KRT8: variants seen among roughly 807,000 people sequenced by gnomAD.
KRT8 encodes the protein keratin 8, also known as keratin, type II cytoskeletal 8.
KRT8 carries 24 observed loss-of-function variants against 43.0 expected under a neutral mutation model. The ratio of observed to expected loss-of-function variants is 0.56; its 90% CI spans 0.40 to 0.78. The LOEUF (loss-of-function observed/expected upper bound fraction) is 0.78. Ranked by LOEUF, KRT8 falls within the 30% of genes least tolerant of loss-of-function variation. The pLI is 0.00. For synonymous variants in KRT8, 214 were observed against 261.2 expected (o/e 0.82, Z 1.74); for missense variants, 492 against 638.4 (o/e 0.77, Z 2.47).
At chr12:52,899,736 T>C in intron 5 of KRT8, 39 bp downstream of exon 5, 1 of 1,564,654 alleles carries the variant, frequency 6.4e-7, no homozygotes, top group Non-Finnish European at 8.8e-7. Context: ...CACCAGGATG[T>C]GTCCAAGGAA....
At chr12:52,909,450 G>T (rs943944958), upstream of KRT8, among the ~76,000 whole-genome samples, 2 of 152,226 alleles carry the variant, frequency 1.3e-5, no homozygotes, top group African/African-American at 2.4e-5. Context: ...GCAGCATCAT[G>T]AATAATAGAG....
rs143953354 is a variant in KRT8, at chr12:52,931,946, C to T, written c.-47+17510G>A. On this transcript the variant is annotated intron_variant, in intron 2 of 6. Transcript: ENST00000546826. ...CCAAAGTGCTGGGATTACAGGCATG[C>T]GCCACTGCGCTTGGCCATATGTTTA... Among the ~76,000 whole-genome samples the T allele has an allele frequency of 6.8e-3, 1,033 of 151,886 alleles. 4 individuals carry two copies. The highest frequency in any genetic ancestry group is 0.012 in the Non-Finnish European group (828 of 67,934).
At chr12:52,936,251 A>T (rs1942168275) in intron 2 of KRT8, among the ~76,000 whole-genome samples, 1 of 147,084 alleles carries the variant, frequency 6.8e-6, no homozygotes, top group African/African-American at 2.4e-5. Flanking sequence ...GATTCCATCT[A>T]AAAAAAACAA....
chr12:52,935,458 C>T (rs1307334215), intron 2 of KRT8, among the ~76,000 whole-genome samples: 12 of 139,818 alleles, frequency 8.6e-5, no homozygotes, highest in Non-Finnish European at 1.7e-4. Context: ...TCTGGGAGGC[C>T]GAGGCGGGTG....
At chr12:52,930,656 G>A (rs1004947332) in intron 2 of KRT8, among the ~76,000 whole-genome samples, 2 of 152,098 alleles carry the variant, frequency 1.3e-5, no homozygotes, top group East Asian at 3.8e-4. Flanking sequence ...GACCTCCTGG[G>A]TTCAAGTGAT....
intron 2 of KRT8, among the ~76,000 whole-genome samples, chr12:52,936,782 T>G: frequency 6.6e-6 from 1 of 152,184 alleles, no homozygotes; most frequent in Non-Finnish European, 1.5e-5. Flanking sequence ...CCCAAAGTGC[T>G]GGGATTACAG....
intron 2 of KRT8, among the ~76,000 whole-genome samples, chr12:52,920,015 G>T (rs1350775711): frequency 6.6e-6 from 1 of 152,184 alleles, no homozygotes; most frequent in African/African-American, 2.4e-5. Context: ...GGAAACTAAA[G>T]CCCAAGGTCC....
At chr12:52,906,930 GGACA>G, upstream of KRT8, 2 of 362,172 alleles carry the variant, frequency 5.5e-6, no homozygotes, top group Non-Finnish European at 1.1e-5. Flanking sequence ...CCTCCTTGGA[GGACA>G]GACAAACTTA....
intron 2 of KRT8, among the ~76,000 whole-genome samples, chr12:52,930,272 C>T (rs1223974789): frequency 6.6e-6 from 1 of 150,972 alleles, no homozygotes; most frequent in African/African-American, 2.4e-5. Flanking sequence ...GGCTGGAGTG[C>T]AATAGCACAA....
chr12:52,904,754 A>G (rs774784842), exon 1 of KRT8: 1 of 1,612,574 alleles, frequency 6.2e-7, no homozygotes, highest in South Asian at 1.1e-5. Flanking sequence ...CCTCCAGGAC[A>G]AGGGGGCTCA....
intron 1 of KRT8, chr12:52,903,596 G>A (rs1000875249): frequency 3.3e-5 from 5 of 152,172 alleles, no homozygotes; most frequent in Admixed American, 3.3e-4. Context: ...GGCCCCTCAG[G>A]CAGCGGAGTC....
chr12:52,937,700 A>G (rs1342439569), intron 2 of KRT8, among the ~76,000 whole-genome samples: 11 of 150,860 alleles, frequency 7.3e-5, no homozygotes, highest in Non-Finnish European at 1.0e-4. Flanking sequence ...AAAAAAAAAA[A>G]AAGAAGAAGA....
chr12:52,914,941 A>G (rs1941705977), intron 2 of KRT8, among the ~76,000 whole-genome samples: 1 of 152,158 alleles, frequency 6.6e-6, no homozygotes, highest in Admixed American at 6.5e-5. Context: ...CAAGGCTGAT[A>G]TAGGTCACAT....
intron 2 of KRT8, 93 bp downstream of exon 2, chr12:52,901,771 A>AC: frequency 1.1e-6 from 1 of 900,682 alleles, no homozygotes; most frequent in South Asian, 1.3e-5. Flanking sequence ...TGCACTTCCC[A>AC]CAACAGAGGG....
At chr12:52,920,608 A>T (rs1331503949) in intron 2 of KRT8, among the ~76,000 whole-genome samples, 1 of 151,838 alleles carries the variant, frequency 6.6e-6, no homozygotes, top group Non-Finnish European at 1.5e-5. Flanking sequence ...AAAAAAAATT[A>T]AAAATGGACA....
chr12:52,914,664 G>A (rs574476682), intron 2 of KRT8, among the ~76,000 whole-genome samples: 21 of 152,348 alleles, frequency 1.4e-4, no homozygotes, highest in Non-Finnish European at 2.6e-4. Flanking sequence ...TTGATTGCAA[G>A]TGGCTGAAAC....
chr12:52,911,652 A>G (rs773882468), upstream of KRT8, among the ~76,000 whole-genome samples: 9 of 152,198 alleles, frequency 5.9e-5, no homozygotes, highest in Non-Finnish European at 1.0e-4. Context: ...GATGTTAAGA[A>G]ACATACCCAA....
At chr12:52,939,163 T>C (rs1443853214) in intron 2 of KRT8, among the ~76,000 whole-genome samples, 2 of 152,114 alleles carry the variant, frequency 1.3e-5, no homozygotes, top group South Asian at 2.1e-4. Flanking sequence ...CAGAGCATCA[T>C]GTTACTGGGG....
chr12:52,905,721 GCACACACA>G (rs746497497), upstream of KRT8, among the ~76,000 whole-genome samples: 1 of 143,196 alleles, frequency 7.0e-6, no homozygotes, highest in South Asian at 2.2e-4. Context: ...CATCACACGC[GCACACACA>G]CACACACACA....
Sources: allele counts gnomAD v4.1 joint callset (sites outside exome capture counted in the v4.1 genomes callset), GRCh38; gene constraint gnomAD v4.1.1; transcripts MANE v1.5; gene names NCBI Gene and HGNC (gene_info 2026-07-23, HGNC 2026-07-21).